UVSSA: variants seen among roughly 807,000 people sequenced by gnomAD.
The protein encoded by UVSSA is UV-stimulated scaffold protein A.
In UVSSA, 72 loss-of-function variants were observed where a neutral mutation model predicts 73.9. That is an observed-to-expected ratio of 0.97 (90% CI 0.81 to 1.19). UVSSA has a LOEUF of 1.19. Ranked by LOEUF, UVSSA falls within the 50% of genes most tolerant of loss-of-function variation. The probability of loss-of-function intolerance (pLI) is 0.00; values close to 1 mark genes in which losing one functional copy is unlikely to be tolerated. For synonymous variants in UVSSA, 454 were observed against 391.3 expected, an observed-to-expected ratio of 1.16 and a Z score of -1.89; for missense variants, 1,150 against 965.0, an observed-to-expected ratio of 1.19 and a Z score of -2.54.
upstream of UVSSA, among the ~76,000 whole-genome samples, chr4:1,344,136 G>C (rs1422815818): frequency 6.6e-6 from 1 of 152,032 alleles, no homozygotes; most frequent in Non-Finnish European, 1.5e-5. Context: ...CTGCTTCTAA[G>C]ATTTGTCACT....
rs79873757 is a variant in UVSSA at position 1,365,107 on chromosome 4, G to A, written c.1177-1213G>A. Among the ~76,000 whole-genome samples, 2,328 of 152,350 alleles carry A rather than the reference G, an allele frequency of 0.015. 134 individuals are homozygous for A. In the East Asian group the frequency reaches 0.2, roughly 13 times the overall value. ...GTGGATGGAGCAGTTGATGCCCACCGTGTGGCCATGTTACTGAGCAGTGGG... is the reference window on the plus strand; with the variant it reads ...GTGGATGGAGCAGTTGATGCCCACCATGTGGCCATGTTACTGAGCAGTGGG... On this transcript the variant is annotated intron_variant, in intron 7 of 13. Coordinates refer to ENST00000389851, the MANE Select transcript of UVSSA (RefSeq NM_020894.4).
intron 12 of UVSSA, among the ~76,000 whole-genome samples, 154 bp from the exon 13 acceptor site, chr4:1,383,612 A>G (rs1176570153): frequency 2.0e-5 from 3 of 152,192 alleles, no homozygotes; most frequent in Admixed American, 6.5e-5. Context: ...ACCGCTGAGC[A>G]TCCTCTCAGG....
chr4:1,385,585 A>G (rs1720022223), intron 13 of UVSSA: 1 of 467,544 alleles, frequency 2.1e-6, no homozygotes, highest in South Asian at 2.4e-5. Context: ...CCACGGGAGA[A>G]GTGCCAAGGT....
downstream of UVSSA, chr4:1,392,087 G>GT (rs1443753085): frequency 2.6e-5 from 4 of 152,042 alleles, no homozygotes; most frequent in Non-Finnish European, 2.9e-5. Flanking sequence ...GTTTTACTGG[G>GT]TTTTTTTAAA....
chr4:1,364,625 G>C (rs1358092313), intron 7 of UVSSA, among the ~76,000 whole-genome samples: 2 of 152,148 alleles, frequency 1.3e-5, no homozygotes, highest in African/African-American at 4.8e-5. Flanking sequence ...ACCCATTAAG[G>C]GTCCCCTTGC....
chr4:1,356,134 C>T (rs945016419), intron 7 of UVSSA, among the ~76,000 whole-genome samples: 4 of 152,198 alleles, frequency 2.6e-5, no homozygotes, highest in Non-Finnish European at 4.4e-5. Flanking sequence ...CCCCTGAGCT[C>T]GGACCCCAAA....
chr4:1,372,339 T>C (rs1490662640), intron 8 of UVSSA, among the ~76,000 whole-genome samples: 1 of 152,206 alleles, frequency 6.6e-6, no homozygotes, highest in Non-Finnish European at 1.5e-5. Flanking sequence ...CACGCGTCCA[T>C]CCATGGCACT....
chr4:1,355,534 G>T (rs1346539521), intron 7 of UVSSA, among the ~76,000 whole-genome samples: 2 of 152,334 alleles, frequency 1.3e-5, no homozygotes, highest in South Asian at 4.1e-4. Flanking sequence ...CACCAGTCAG[G>T]CTGTCCCCCC....
At chr4:1,379,476 G>T (rs894522590) in intron 10 of UVSSA, among the ~76,000 whole-genome samples, 1 of 144,358 alleles carries the variant, frequency 6.9e-6, no homozygotes, top group Non-Finnish European at 1.5e-5. Flanking sequence ...GGGAGCGGAC[G>T]CACCTGGGAC....
rs1379332927 is a variant in UVSSA, at chr4:1,347,221, G to A, written c.-542G>A. On this transcript the variant is annotated 5_prime_UTR_variant, in exon 1 of 14. Coordinates refer to ENST00000389851, the MANE Select transcript of UVSSA (RefSeq NM_020894.4). ...AAGGGGCGGGGCGAGGCGAGCGGCC[G>A]CGTCAGCGGTAGGTGGGGCTGTGGT... 6.6e-6 allele frequency: 1 copy of A among 152,348 alleles called. No individual in the cohort carries two copies. Among genetic ancestry groups the A allele is most frequent in the Admixed American group, 6.5e-5 (1 of 15,288 alleles). The allele number at this position is 152,348 out of a possible 1,614,324, so 9.4% of individuals were successfully genotyped here.
chr4:1,380,458 A>G lies in UVSSA; in HGVS notation c.1752+228A>G, dbSNP rs369438943. Among the ~76,000 whole-genome samples the G allele has an allele frequency of 6.6e-4, 101 of 152,278 alleles. 3 individuals are homozygous for G. In the South Asian group the frequency reaches 0.016, roughly 24 times the overall value. ...GCCCTGAAGCCTGACACCTGGGTAC[A>G]TGGCTTGGGGACTCTCCAGGGGCCA... On this transcript the variant is annotated intron_variant, in intron 11 of 13. Transcript: ENST00000389851.
exon 14 of UVSSA, chr4:1,395,913 AT>A (rs1720542118): frequency 1.9e-6 from 3 of 1,574,528 alleles, no homozygotes; most frequent in Admixed American, 1.8e-5. Flanking sequence ...TTCAGGACTG[AT>A]TTGTTAGCCT....
intron 7 of UVSSA, among the ~76,000 whole-genome samples, chr4:1,360,320 C>T (rs1261800684): frequency 6.6e-6 from 1 of 152,252 alleles, no homozygotes; most frequent in African/African-American, 2.4e-5. Flanking sequence ...TTTCACCGTC[C>T]CTCAGTACCT....
chr4:1,374,531 G>A (rs919387594), intron 8 of UVSSA, among the ~76,000 whole-genome samples: 14 of 152,226 alleles, frequency 9.2e-5, no homozygotes, highest in African/African-American at 2.7e-4. Flanking sequence ...GCTGGGCTGC[G>A]GAGGCCAGGG....
At chr4:1,353,793 G>A (rs1715192659) in intron 5 of UVSSA, among the ~76,000 whole-genome samples, 2 of 152,186 alleles carry the variant, frequency 1.3e-5, no homozygotes, top group Admixed American at 6.5e-5. Flanking sequence ...TGGGCATCCC[G>A]TCAGCTCACA....
At chr4:1,357,219 G>A (rs947887015) in intron 7 of UVSSA, among the ~76,000 whole-genome samples, 1 of 147,676 alleles carries the variant, frequency 6.8e-6, no homozygotes, top group Non-Finnish European at 1.5e-5. Flanking sequence ...TCAGGCCTGG[G>A]CCCCTCCAGC....
chr4:1,372,952 T>C (rs1173699968), intron 8 of UVSSA, among the ~76,000 whole-genome samples: 1 of 151,564 alleles, frequency 6.6e-6, no homozygotes. Flanking sequence ...CCCCTGGCTT[T>C]TCTTTGTGAC....
chr4:1,377,582 G>T (rs1290277868), intron 10 of UVSSA, among the ~76,000 whole-genome samples: 1 of 142,086 alleles, frequency 7.0e-6, no homozygotes, highest in Non-Finnish European at 1.6e-5. Context: ...GCCCAGCAAA[G>T]CTCCCACCGA....
At chr4:1,367,812 G>A (rs541555649) in intron 8 of UVSSA, among the ~76,000 whole-genome samples, 5 of 152,012 alleles carry the variant, frequency 3.3e-5, no homozygotes, top group South Asian at 4.2e-4. Flanking sequence ...CCACCGAGAC[G>A]CAGCCCCAGC....
Sources: allele counts gnomAD v4.1 joint callset (sites outside exome capture counted in the v4.1 genomes callset), GRCh38; gene constraint gnomAD v4.1.1; transcripts MANE v1.5; gene names NCBI Gene and HGNC (gene_info 2026-07-23, HGNC 2026-07-21).